ADGRG2: variants seen among roughly 807,000 people sequenced by gnomAD.
ADGRG2 encodes adhesion G protein-coupled receptor G2, also known as G protein-coupled receptor 64.
In ADGRG2, 26 loss-of-function variants were observed where a neutral mutation model predicts 74.1. The observed-to-expected ratio is 0.35, with a 90% CI of 0.26 to 0.49. The LOEUF (loss-of-function observed/expected upper bound fraction) is 0.49. Ranked by LOEUF, ADGRG2 falls within the 20% of genes least tolerant of loss-of-function variation. The pLI is 0.99. For missense variants in ADGRG2, 619 were observed against 763.1 expected, an observed-to-expected ratio of 0.81 and a Z score of 2.22; for synonymous variants, 296 against 295.2, an observed-to-expected ratio of 1.00 and a Z score of -0.03.
intron 1 of ADGRG2, among the ~76,000 whole-genome samples, chrX:19,115,664 A>T (rs1220574499): frequency 8.1e-5 from 9 of 111,455 alleles, no homozygotes; most frequent in African/African-American, 2.3e-4. Context: ...GATTGATTGT[A>T]AGTGTGGTAG....
rs181234662 is a variant in ADGRG2, at chrX:19,107,777, A to G, written c.-47+14665T>C. 5.5e-5 allele frequency among the ~76,000 whole-genome samples: 6 copies of G among 109,996 alleles called. No homozygotes were observed. The East Asian group carries it at 1.4e-3, about 26-fold the overall frequency. Reference sequence around the variant, plus strand: ...GATATAGGTAGTTGGTAAAGGAAAAAATCAGCATAGAAACCAATTATTAGA... The same window carrying G: ...GATATAGGTAGTTGGTAAAGGAAAAGATCAGCATAGAAACCAATTATTAGA... On this transcript the variant is annotated intron_variant, in intron 1 of 28. Coordinates refer to ENST00000379869, the MANE Select transcript of ADGRG2 (RefSeq NM_001079858.3).
At chrX:19,029,690 G>GTTTT (rs60964427) in intron 9 of ADGRG2, among the ~76,000 whole-genome samples, 1 of 102,197 alleles carries the variant, frequency 9.8e-6, no homozygotes. Context: ...AAGATGACCA[G>GTTTT]TTTTTTTTTT....
intron 13 of ADGRG2, among the ~76,000 whole-genome samples, 185 bp downstream of exon 13, chrX:19,023,231 G>A (rs747213694): frequency 8.9e-6 from 1 of 111,801 alleles, no homozygotes; most frequent in African/African-American, 3.3e-5. Flanking sequence ...GTAAAGAAAT[G>A]AGAAGATGGA....
chrX:19,009,730 T>A lies in ADGRG2; in HGVS notation c.1318A>T (p.Thr440Ser). The A allele has an allele frequency of 8.3e-7, 1 of 1,204,837 alleles. No individual in the cohort carries two copies. The highest frequency in any genetic ancestry group is 1.1e-6 in the Non-Finnish European group (1 of 888,856). The change falls in exon 18 of 29, where the codon ACT becomes TCT. Residue 440 changes from threonine to serine, a missense_variant. Thr to Ser is a moderately conservative substitution (Grantham distance 58). Around this residue, in one of 3 missense-constraint regions of ADGRG2, gnomAD observed 221 missense variants for 340.6 expected, o/e 0.65. Coordinates refer to ENST00000379869, the MANE Select transcript of ADGRG2 (RefSeq NM_001079858.3). Reference sequence around the variant, plus strand: ...AAAGAAGGGGAGGTTAGACTTATAGTCGTGTTTGAAAAGTTCAGCTGTAGG... The same window carrying A: ...AAAGAAGGGGAGGTTAGACTTATAGACGTGTTTGAAAAGTTCAGCTGTAGG... The part of the protein sequence containing the change: ...IGLQLNFSNT[T>S]ISLTSPSLAL...
chrX:18,994,932 C>G lies in ADGRG2; in HGVS notation c.2833G>C (p.Val945Leu), dbSNP rs768173704. The change falls in exon 28 of 29, where the codon GTG becomes CTG. Residue 945 changes from valine to leucine, a missense_variant. Val to Leu is a conservative substitution (Grantham distance 32). Transcript: ENST00000379869. ...GCGTGTACTGAGCAATCATTATTCA[C>G]TAGCAGTGTGGTGGAGTTAGTGGAG... ...SNSTNSTTLLVNNDCSVHASG... is the reference protein window; with the variant it reads ...SNSTNSTTLLLNNDCSVHASG... The G allele has an allele frequency of 7.5e-6, 9 of 1,202,478 alleles. No individual in the cohort carries two copies. The highest frequency in any genetic ancestry group is 1.0e-5 in the Non-Finnish European group (9 of 888,618).
intron 28 of ADGRG2, among the ~76,000 whole-genome samples, chrX:18,992,465 T>G (rs1204478839): frequency 8.9e-6 from 1 of 111,736 alleles, no homozygotes; most frequent in Non-Finnish European, 1.9e-5. Flanking sequence ...GATTTTCACA[T>G]TTTTTATTAG....
chrX:19,112,690 T>C (rs1216601768), intron 1 of ADGRG2, among the ~76,000 whole-genome samples: 1 of 106,105 alleles, frequency 9.4e-6, no homozygotes, highest in Non-Finnish European at 1.9e-5. Flanking sequence ...GGCTCACACC[T>C]GTCTGTAATC....
chrX:19,084,317 G>A (rs1006752489), intron 1 of ADGRG2, among the ~76,000 whole-genome samples: 4 of 109,617 alleles, frequency 3.6e-5, no homozygotes, highest in Non-Finnish European at 7.6e-5. Flanking sequence ...GGGGCCTGTC[G>A]GGGAGGGGGT....
intron 1 of ADGRG2, among the ~76,000 whole-genome samples, chrX:19,114,549 T>C (rs1248750008): frequency 9.0e-6 from 1 of 110,935 alleles, no homozygotes; most frequent in African/African-American, 3.3e-5. Flanking sequence ...TATTAATGCT[T>C]GGGCCGGATC....
chrX:19,052,758 C>T (rs968750659), intron 3 of ADGRG2, among the ~76,000 whole-genome samples: 1 of 108,275 alleles, frequency 9.2e-6, no homozygotes, highest in African/African-American at 3.4e-5. Context: ...GACACGATCT[C>T]GGCTCACTGC....
At chrX:19,003,573 G>A (rs2060173638) in intron 23 of ADGRG2, among the ~76,000 whole-genome samples, 1 of 111,324 alleles carries the variant, frequency 9.0e-6, no homozygotes, top group African/African-American at 3.3e-5. Context: ...TGTATATGGG[G>A]TGGGGGGGAG....
At chrX:19,095,854 A>G (rs2062087529) in intron 1 of ADGRG2, among the ~76,000 whole-genome samples, 2 of 109,485 alleles carry the variant, frequency 1.8e-5, no homozygotes, top group Non-Finnish European at 1.9e-5. Flanking sequence ...CCCCATCTCA[A>G]TAAAAAATAC....
chrX:19,031,208 T>A lies in ADGRG2; in HGVS notation c.305-171A>T. On this transcript the variant is annotated intron_variant, in intron 8 of 28. Coordinates refer to ENST00000379869, the MANE Select transcript of ADGRG2 (RefSeq NM_001079858.3). ...AAGACTAAAGAAATGAGTTTTCATTTGTTGGTCATTTGTCAGCTACGGAAC... is the reference window on the plus strand; with the variant it reads ...AAGACTAAAGAAATGAGTTTTCATTAGTTGGTCATTTGTCAGCTACGGAAC... The A allele has an allele frequency of 1.1e-5, 5 of 447,979 alleles. No homozygotes were observed. In the Middle Eastern group the frequency reaches 1.8e-3, roughly 162 times the overall value. 36.9% of individuals were successfully genotyped at this position (447,979 alleles called of 1,213,427 possible). A position where few individuals can be genotyped will look rare whatever the true frequency, so the allele number is the denominator to read the frequency against.
chrX:19,009,548 T>C (rs2060308229), intron 18 of ADGRG2, 78 bp downstream of exon 18: 1 of 893,106 alleles, frequency 1.1e-6, no homozygotes, highest in Admixed American at 2.2e-5. Context: ...AAGCAGTAAT[T>C]GCCTCAATCA....
chrX:18,992,305 G>T (rs1287083622), intron 28 of ADGRG2, among the ~76,000 whole-genome samples: 8 of 112,212 alleles, frequency 7.1e-5, no homozygotes. Context: ...TTTTGTTGTT[G>T]TTGAGACGGA....
chrX:19,007,831 A>G (rs1393642377), intron 19 of ADGRG2, 149 bp downstream of exon 19: 1 of 458,670 alleles, frequency 2.2e-6, no homozygotes, highest in Non-Finnish European at 3.8e-6. Context: ...CATCACCAGT[A>G]TCATTAGGCT....
chrX:19,075,247 GA>G (rs202006973), intron 2 of ADGRG2, among the ~76,000 whole-genome samples: 47 of 95,210 alleles, frequency 4.9e-4, no homozygotes, highest in Non-Finnish European at 7.7e-4. Context: ...TAGTGAAAAT[GA>G]AAAAAAAAAA....
At chrX:19,094,780 G>A (rs1020298634) in intron 1 of ADGRG2, among the ~76,000 whole-genome samples, 1 of 112,764 alleles carries the variant, frequency 8.9e-6, no homozygotes, top group African/African-American at 3.2e-5. Context: ...ATTTTGGAAG[G>A]CTGGATGGTG....
At chrX:19,072,970 A>T (rs768565993) in intron 2 of ADGRG2, among the ~76,000 whole-genome samples, 1 of 111,903 alleles carries the variant, frequency 8.9e-6, no homozygotes, top group South Asian at 3.8e-4. Flanking sequence ...ACATTGATAT[A>T]GTTTGGATAC....
Sources: gnomAD v4.1 joint callset for allele counts (sites outside exome capture counted in the v4.1 genomes callset) on GRCh38, gnomAD v4.1.1 for gene constraint, gnomAD v4.1.1 regional missense constraint, MANE v1.5 for transcripts, NCBI Gene and HGNC (gene_info 2026-07-23, HGNC 2026-07-21) for gene names.